The following FAM117B variants were observed in gnomAD, a reference collection of about 807,000 sequenced individuals.
FAM117B encodes protein FAM117B.
FAM117B carries 22 observed loss-of-function variants against 52.8 expected under a neutral mutation model. The observed-to-expected ratio is 0.42, with a 90% CI of 0.30 to 0.59. The LOEUF (loss-of-function observed/expected upper bound fraction) is 0.59, where lower values mean the gene tolerates loss of function less well. Among genes scored for constraint, FAM117B ranks in the 20% least tolerant of loss-of-function variants. The pLI, the probability that FAM117B is intolerant of heterozygous loss-of-function variation, is 0.22. For synonymous variants in FAM117B, 309 were observed against 324.1 expected, an observed-to-expected ratio of 0.95 and a Z score of 0.50; for missense variants, 678 against 802.6, an observed-to-expected ratio of 0.84 and a Z score of 1.88.
chr2:202,680,645 G>A (rs1189588394), intron 1 of FAM117B, among the ~76,000 whole-genome samples: 3 of 152,132 alleles, frequency 2.0e-5, no homozygotes, highest in Non-Finnish European at 2.9e-5. Context: ...AAAAAAAAGG[G>A]CAAATTTCTT....
chr2:202,680,472 C>T (rs1690446164), intron 1 of FAM117B, among the ~76,000 whole-genome samples: 1 of 152,034 alleles, frequency 6.6e-6, no homozygotes, highest in Non-Finnish European at 1.5e-5. Flanking sequence ...TTTATAAAAA[C>T]TACAATCATG....
intron 1 of FAM117B, among the ~76,000 whole-genome samples, chr2:202,687,531 T>A (rs111808633): frequency 1.8e-4 from 27 of 152,184 alleles, no homozygotes; most frequent in Non-Finnish European, 2.6e-4. Context: ...TGCTTCAGCC[T>A]CTCTTGTAGC....
chr2:202,646,805 C>T (rs754084109), intron 1 of FAM117B, among the ~76,000 whole-genome samples: 40 of 152,032 alleles, frequency 2.6e-4, no homozygotes, highest in Non-Finnish European at 4.4e-4. Context: ...TTTAGTTTTT[C>T]CTTCTAAAGA....
chr2:202,696,507 C>T (rs187836262), intron 2 of FAM117B, among the ~76,000 whole-genome samples: 1,611 of 152,224 alleles, frequency 0.011, 12 homozygotes, highest in Non-Finnish European at 0.014. Context: ...TCATGAGGCC[C>T]ATGGGCCGCA....
At chr2:202,638,565 C>T (rs1338953892) in intron 1 of FAM117B, among the ~76,000 whole-genome samples, 1 of 149,478 alleles carries the variant, frequency 6.7e-6, no homozygotes, top group Non-Finnish European at 1.5e-5. Context: ...CCATTTGCTC[C>T]CCTATCAAAA....
At chr2:202,676,204 G>T (rs892768077) in intron 1 of FAM117B, among the ~76,000 whole-genome samples, 1 of 151,972 alleles carries the variant, frequency 6.6e-6, no homozygotes, top group African/African-American at 2.4e-5. Flanking sequence ...ACTGAGGTTT[G>T]CCAGTAGCCA....
intron 1 of FAM117B, among the ~76,000 whole-genome samples, chr2:202,645,966 T>G (rs1377222355): frequency 1.3e-5 from 2 of 152,172 alleles, no homozygotes; most frequent in Non-Finnish European, 2.9e-5. Context: ...CCATTATACT[T>G]CAGTTCTTCA....
chr2:202,751,114 A>G (rs1021794923), intron 4 of FAM117B, among the ~76,000 whole-genome samples: 1 of 152,240 alleles, frequency 6.6e-6, no homozygotes, highest in African/African-American at 2.4e-5. Flanking sequence ...ACATATAGAT[A>G]AGCTTTAGTC....
rs547463745 is a variant in FAM117B, at chr2:202,737,204, T to G, written c.960+10841T>G. Reference sequence around the variant, plus strand: ...AAAATTCTTCCCACATTTTATTATTTACTTCAGCATGTAACTGTCTCTAGG... The same window carrying G: ...AAAATTCTTCCCACATTTTATTATTGACTTCAGCATGTAACTGTCTCTAGG... On this transcript the variant is annotated intron_variant, in intron 4 of 7. Transcript: ENST00000392238. Among the ~76,000 whole-genome samples, 54 of 152,296 alleles carry G rather than the reference T, an allele frequency of 3.5e-4. 1 individual carries two copies. The South Asian group carries it at 0.011, about 30-fold the overall frequency.
chr2:202,677,063 C>CTT (rs545082900), intron 1 of FAM117B, among the ~76,000 whole-genome samples: 15 of 140,672 alleles, frequency 1.1e-4, no homozygotes, highest in African/African-American at 2.9e-4. Flanking sequence ...GGTTTCTTTT[C>CTT]TTTTTTTTTT....
chr2:202,647,403 G>C (rs907420721), intron 1 of FAM117B, among the ~76,000 whole-genome samples: 2 of 152,058 alleles, frequency 1.3e-5, no homozygotes, highest in Non-Finnish European at 2.9e-5. Context: ...GAAAAAAACA[G>C]TTTATTTATT....
At chr2:202,646,248 T>G (rs988704513) in intron 1 of FAM117B, among the ~76,000 whole-genome samples, 1 of 152,216 alleles carries the variant, frequency 6.6e-6, no homozygotes, top group Non-Finnish European at 1.5e-5. Flanking sequence ...TGACCTCAAG[T>G]GATCCGCCTG....
intron 7 of FAM117B, among the ~76,000 whole-genome samples, chr2:202,762,760 T>C (rs202225365): frequency 6.6e-6 from 1 of 152,160 alleles, no homozygotes; most frequent in East Asian, 1.9e-4. Flanking sequence ...TGATTCTTCT[T>C]GGTGGGCTGG....
rs1035580925 is a variant in FAM117B at position 202,767,360 on chromosome 2, A to G, written c.*1596A>G. The G allele has an allele frequency of 1.3e-5, 2 of 152,084 alleles. No homozygotes were observed. The highest frequency in any genetic ancestry group is 6.6e-5 in the Admixed American group (1 of 15,240). 9.4% of individuals were successfully genotyped at this position (152,084 alleles called of 1,614,324 possible). A position where few individuals can be genotyped will look rare whatever the true frequency, so the allele number is the denominator to read the frequency against. ...TTTTTAGTATATATGGGGTTTCACC[A>G]TGTTGGTCAGGCTGTTCTTGAACTC... On this transcript the variant is annotated 3_prime_UTR_variant, in exon 8 of 8. Coordinates refer to ENST00000392238, the MANE Select transcript of FAM117B (RefSeq NM_173511.4).
Position 202,769,662 on chromosome 2 carries a change from T to C in FAM117B, c.*3898T>C, listed in dbSNP as rs900440065. 1 of 152,674 alleles carries C rather than the reference T, an allele frequency of 6.5e-6. No individual in the cohort carries two copies. The highest frequency in any genetic ancestry group is 1.5e-5 in the Non-Finnish European group (1 of 68,040). The allele number at this position is 152,674 out of a possible 1,614,324, so 9.5% of individuals were successfully genotyped here. A position where few individuals can be genotyped will look rare whatever the true frequency, so the allele number is the denominator to read the frequency against. On this transcript the variant is annotated 3_prime_UTR_variant, in exon 8 of 8. Coordinates refer to ENST00000392238, the MANE Select transcript of FAM117B (RefSeq NM_173511.4). The stretch of plus-strand genomic sequence containing the variant: ...CATTTCCAATGGTAATCGGTATTGT[T>C]ACGCTGTACTTATGTATTCCCTGTA...
chr2:202,644,821 GT>G (rs547231315), intron 1 of FAM117B, among the ~76,000 whole-genome samples: 54 of 152,178 alleles, frequency 3.5e-4, no homozygotes, highest in Non-Finnish European at 7.6e-4. Context: ...TTAATCCTTT[GT>G]TGGTGATGGT....
chr2:202,734,877 G>T (rs185224854), intron 4 of FAM117B, among the ~76,000 whole-genome samples: 61 of 152,192 alleles, frequency 4.0e-4, no homozygotes, highest in African/African-American at 1.4e-3. Context: ...GCTCATTATA[G>T]AAATTTTAGA....
At position 202,678,893 on chromosome 2, in the gene FAM117B, A is replaced by G. The variant is rs528276163; in HGVS notation, c.602-16988A>G. On this transcript the variant is annotated intron_variant, in intron 1 of 7. Coordinates refer to ENST00000392238, the MANE Select transcript of FAM117B (RefSeq NM_173511.4). ...ACAGTTTCTAATGGCCAGCATTTGC[A>G]TATCAAAATTTGCTGGCCCAGCTCT... is the stretch of plus-strand genomic sequence containing the variant. Among the ~76,000 whole-genome samples the G allele has an allele frequency of 9.8e-5, 15 of 152,308 alleles. No individual in the cohort carries two copies. In the East Asian group the frequency reaches 2.9e-3, roughly 29 times the overall value.
In FAM117B at chr2:202,681,844, T is replaced by C. The variant is rs76722663; in HGVS notation, c.602-14037T>C. ...CCCTCAAACTGAAAAAGCCTGGTACTATATGGCCCAGTGTGAGAACTGACA... is the reference window on the plus strand; with the variant it reads ...CCCTCAAACTGAAAAAGCCTGGTACCATATGGCCCAGTGTGAGAACTGACA... On this transcript the variant is annotated intron_variant, in intron 1 of 7. Coordinates refer to ENST00000392238, the MANE Select transcript of FAM117B (RefSeq NM_173511.4). Among the ~76,000 whole-genome samples the C allele has an allele frequency of 2.2e-3, 337 of 152,312 alleles. 1 individual carries two copies. Among genetic ancestry groups the C allele is most frequent in the African/African-American group, 7.3e-3 (303 of 41,574 alleles).
Sources: gnomAD v4.1 joint callset for allele counts (sites outside exome capture counted in the v4.1 genomes callset) on GRCh38, gnomAD v4.1.1 for gene constraint, MANE v1.5 for transcripts, NCBI Gene and HGNC (gene_info 2026-07-23, HGNC 2026-07-21) for gene names.